RIT2: variants seen among roughly 807,000 people sequenced by gnomAD.
RIT2 encodes Ras like without CAAX 2, also known as GTP-binding protein Rit2.
In RIT2, 24 loss-of-function variants were observed where a neutral mutation model predicts 23.7. The observed-to-expected ratio is 1.01, with a 90% CI of 0.73 to 1.43. The LOEUF (loss-of-function observed/expected upper bound fraction) is 1.43. RIT2 is among the 40% of genes most tolerant of loss of function. The pLI, the probability that RIT2 is intolerant of heterozygous loss-of-function variation, is 0.00. For synonymous variants in RIT2, 107 were observed against 91.1 expected, an observed-to-expected ratio of 1.17 and a Z score of -0.99; for missense variants, 236 against 266.9, an observed-to-expected ratio of 0.88 and a Z score of 0.81.
chr18:42,937,170 A>G (rs1276358954), intron 3 of RIT2, among the ~76,000 whole-genome samples: 6 of 152,204 alleles, frequency 3.9e-5, no homozygotes, highest in Non-Finnish European at 7.3e-5. Context: ...TGAAGATTAA[A>G]TAACACAATG....
At chr18:42,927,345 GTA>G (rs35486004) in intron 3 of RIT2, among the ~76,000 whole-genome samples, 26,845 of 148,780 alleles carry the variant, frequency 0.18, 2,998 homozygotes, top group East Asian at 0.35. Flanking sequence ...TACACAACAC[GTA>G]TATATGTTTC....
chr18:43,027,784 C>T (rs550940707), intron 2 of RIT2, among the ~76,000 whole-genome samples: 1 of 152,156 alleles, frequency 6.6e-6, no homozygotes, highest in South Asian at 2.1e-4. Context: ...CACGGTTATA[C>T]TCAGCTGCTC....
chr18:43,099,831 T>A (rs1598784047), intron 1 of RIT2, among the ~76,000 whole-genome samples: 1 of 152,264 alleles, frequency 6.6e-6, no homozygotes, highest in Non-Finnish European at 1.5e-5. Flanking sequence ...CTCCTATCAA[T>A]CACTAAATGC....
chr18:42,827,823 G>A (rs1050068764), intron 4 of RIT2, among the ~76,000 whole-genome samples: 2 of 151,826 alleles, frequency 1.3e-5, no homozygotes, highest in South Asian at 4.2e-4. Context: ...GGCTAACACG[G>A]TGAAACCCCG....
At chr18:42,956,853 G>A (rs1183405019) in intron 3 of RIT2, among the ~76,000 whole-genome samples, 2 of 152,118 alleles carry the variant, frequency 1.3e-5, no homozygotes, top group Non-Finnish European at 2.9e-5. Context: ...ATGGCATCCT[G>A]GCGTCCCGGA....
At chr18:43,105,505 G>GAA (rs1324947980) in intron 1 of RIT2, among the ~76,000 whole-genome samples, 29 of 105,174 alleles carry the variant, frequency 2.8e-4, no homozygotes, top group African/African-American at 5.2e-4. Flanking sequence ...AGAAAGGGAG[G>GAA]GAGGGAGGGA....
intron 1 of RIT2, among the ~76,000 whole-genome samples, chr18:43,107,540 A>T (rs1913852027): frequency 6.6e-6 from 1 of 152,156 alleles, no homozygotes; most frequent in Non-Finnish European, 1.5e-5. Flanking sequence ...TAATTTCAAA[A>T]ATCGGTATGG....
At chr18:42,874,420 C>T (rs1311143559) in intron 4 of RIT2, among the ~76,000 whole-genome samples, 1 of 152,074 alleles carries the variant, frequency 6.6e-6, no homozygotes, top group Non-Finnish European at 1.5e-5. Context: ...AACTGTTTTG[C>T]ATAAACACAA....
intron 4 of RIT2, among the ~76,000 whole-genome samples, chr18:42,914,588 T>C (rs1234248127): frequency 6.6e-6 from 1 of 151,970 alleles, no homozygotes; most frequent in Non-Finnish European, 1.5e-5. Flanking sequence ...AATAATTATA[T>C]AGATGAAAAA....
chr18:42,983,951 A>C (rs193210396), intron 2 of RIT2, among the ~76,000 whole-genome samples: 27 of 152,218 alleles, frequency 1.8e-4, no homozygotes, highest in Admixed American at 5.9e-4. Flanking sequence ...ATTGTTTCCT[A>C]CAACAATTTA....
chr18:42,850,629 G>A (rs1162484700), intron 4 of RIT2, among the ~76,000 whole-genome samples: 2 of 152,142 alleles, frequency 1.3e-5, no homozygotes, highest in Non-Finnish European at 2.9e-5. Flanking sequence ...TATAGAAAAT[G>A]TTGAAGATAT....
At position 43,030,901 on chromosome 18, in the gene RIT2, T is replaced by C. The variant is rs1204470454; in HGVS notation, c.160+2910A>G. 8.5e-5 allele frequency among the ~76,000 whole-genome samples: 13 copies of C among 152,208 alleles called. No homozygotes were observed. The East Asian group carries it at 1.7e-3, about 20-fold the overall frequency. On this transcript the variant is annotated intron_variant, in intron 2 of 4. Coordinates refer to ENST00000326695, the MANE Select transcript of RIT2 (RefSeq NM_002930.4). ...TTGATGCATGTTTAGTTTTTCTGCC[T>C]TGGAACTAACAAATGGAAAAGTTAA...
At chr18:43,090,993 C>T (rs774678222) in intron 1 of RIT2, among the ~76,000 whole-genome samples, 6 of 151,678 alleles carry the variant, frequency 4.0e-5, no homozygotes, top group African/African-American at 7.3e-5. Flanking sequence ...ATCTGTATGA[C>T]AAGTTTACCT....
chr18:42,988,511 C>T (rs1303114098), intron 2 of RIT2, among the ~76,000 whole-genome samples: 5 of 152,098 alleles, frequency 3.3e-5, no homozygotes, highest in African/African-American at 4.8e-5. Flanking sequence ...TGTTGAAGGA[C>T]CTTTCCGTTC....
At chr18:42,919,015 T>C (rs1480578800) in intron 4 of RIT2, among the ~76,000 whole-genome samples, 3 of 152,124 alleles carry the variant, frequency 2.0e-5, no homozygotes, top group Non-Finnish European at 4.4e-5. Flanking sequence ...AATTGTATTA[T>C]TTAAGGGGGG....
At chr18:43,077,218 G>A (rs545642784) in intron 1 of RIT2, among the ~76,000 whole-genome samples, 2 of 152,166 alleles carry the variant, frequency 1.3e-5, no homozygotes, top group South Asian at 4.1e-4. Flanking sequence ...ATAGTGCCAG[G>A]AAATAGAAAA....
chr18:42,987,746 G>A (rs1210391794), intron 2 of RIT2, among the ~76,000 whole-genome samples: 1 of 152,156 alleles, frequency 6.6e-6, no homozygotes, highest in Non-Finnish European at 1.5e-5. Flanking sequence ...CAGTTCTGCA[G>A]ACTGTACAAA....
At chr18:42,747,296 A>G (rs1912940612) in intron 4 of RIT2, among the ~76,000 whole-genome samples, 1 of 152,012 alleles carries the variant, frequency 6.6e-6, no homozygotes, top group Non-Finnish European at 1.5e-5. Flanking sequence ...CTGTTTTACA[A>G]TAGCTGCTAA....
intron 2 of RIT2, among the ~76,000 whole-genome samples, chr18:43,023,940 A>G (rs1911652840): frequency 6.6e-6 from 1 of 152,128 alleles, no homozygotes; most frequent in South Asian, 2.1e-4. Context: ...AAAGTATTCC[A>G]GGAAAGGAAA....
Sources: allele counts gnomAD v4.1 joint callset (sites outside exome capture counted in the v4.1 genomes callset), GRCh38; gene constraint gnomAD v4.1.1; transcripts MANE v1.5; gene names NCBI Gene and HGNC (gene_info 2026-07-23, HGNC 2026-07-21).